Variants in UACA observed in about 807,000 individuals in gnomAD.
UACA encodes the protein nuclear membrane binding protein.
UACA carries 112 observed loss-of-function variants against 160.5 expected under a neutral mutation model. The ratio of observed to expected loss-of-function variants is 0.70; its 90% CI spans 0.60 to 0.82. UACA has a LOEUF of 0.82. UACA is among the 40% of genes least tolerant of loss of function. The pLI, the probability that UACA is intolerant of heterozygous loss-of-function variation, is 0.00. For synonymous variants in UACA, 557 were observed against 568.4 expected (o/e 0.98, Z 0.29); for missense variants, 1,574 against 1,614.6 (o/e 0.97, Z 0.43).
intron 1 of UACA, among the ~76,000 whole-genome samples, chr15:70,744,617 G>A (rs960026444): frequency 5.9e-5 from 9 of 152,190 alleles, no homozygotes; most frequent in African/African-American, 2.2e-4. Context: ...GTCTGCAAGA[G>A]GGCTGGATAA....
chr15:70,761,177 A>G (rs1839167268), intron 1 of UACA, among the ~76,000 whole-genome samples: 2 of 152,208 alleles, frequency 1.3e-5, no homozygotes, highest in Non-Finnish European at 2.9e-5. Flanking sequence ...GCATTTCTAT[A>G]AAGGGTGACT....
At chr15:70,693,894 T>G (rs1397030067) in intron 3 of UACA, among the ~76,000 whole-genome samples, 1 of 152,184 alleles carries the variant, frequency 6.6e-6, no homozygotes, top group African/African-American at 2.4e-5. Flanking sequence ...ATAAACACAT[T>G]TCTTTGTTCA....
At chr15:70,758,343 A>C (rs1242772380) in intron 1 of UACA, 1 of 152,228 alleles carries the variant, frequency 6.6e-6, no homozygotes, top group African/African-American at 2.4e-5. Context: ...TAACCATAGG[A>C]AGTTGTCTGA....
At chr15:70,663,646 T>G (rs1896797932) in intron 17 of UACA, among the ~76,000 whole-genome samples, 1 of 151,880 alleles carries the variant, frequency 6.6e-6, no homozygotes. Context: ...TAGACTGGAT[T>G]AAGAAAATGT....
chr15:70,766,963 G>A (rs556839879), upstream of UACA, among the ~76,000 whole-genome samples: 2 of 152,240 alleles, frequency 1.3e-5, no homozygotes, highest in Admixed American at 1.3e-4. Flanking sequence ...ACAGAGGGCC[G>A]GGCACAGTGG....
At chr15:70,727,483 T>C (rs183831550) in intron 1 of UACA, among the ~76,000 whole-genome samples, 16 of 152,174 alleles carry the variant, frequency 1.1e-4, no homozygotes, top group African/African-American at 3.6e-4. Context: ...CACTTTAAAA[T>C]TGATTGGTTC....
chr15:70,729,430 A>T (rs1899248633), intron 1 of UACA, among the ~76,000 whole-genome samples: 1 of 152,226 alleles, frequency 6.6e-6, no homozygotes, highest in Admixed American at 6.5e-5. Flanking sequence ...AAATTAATGC[A>T]GAAACAGAAA....
rs1226026499 is a variant in UACA at position 70,668,280 on chromosome 15, C to G, written c.2404G>C (p.Val802Leu). Residue 802 changes from valine (V) to leucine (L), a missense_variant, in exon 16 of 19, where the codon GTG (valine) becomes CTG (leucine). Physicochemically the swap from Val to Leu is conservative, Grantham distance 32. Transcript: ENST00000322954. ...TCATGTTTCTCAGGAGGTACAAACACAGTTTCTAGGCGGCTTACATCCTTA... is the reference window on the plus strand; with the variant it reads ...TCATGTTTCTCAGGAGGTACAAACAGAGTTTCTAGGCGGCTTACATCCTTA... ...LSKDVSRLET[V>L]FVPPEKHEKE... 3 of 1,613,540 alleles carry G rather than the reference C, an allele frequency of 1.9e-6. No homozygotes were observed. Among genetic ancestry groups the G allele is most frequent in the Non-Finnish European group, 2.5e-6 (3 of 1,179,924 alleles).
At chr15:70,748,451 C>G (rs1318836480) in intron 1 of UACA, among the ~76,000 whole-genome samples, 1 of 152,118 alleles carries the variant, frequency 6.6e-6, no homozygotes, top group Non-Finnish European at 1.5e-5. Flanking sequence ...AGCAGTGAAG[C>G]CTGGGGCATG....
the UACA span, among the ~76,000 whole-genome samples, chr15:70,770,566 A>G: frequency 6.6e-6 from 1 of 152,234 alleles, no homozygotes; most frequent in Admixed American, 6.5e-5. Context: ...AAATTAAAAT[A>G]CCAACACATG....
At chr15:70,763,635 C>T (rs1027155615), upstream of UACA, 7 of 750,730 alleles carry the variant, frequency 9.3e-6, no homozygotes, top group Non-Finnish European at 1.3e-5. Flanking sequence ...CGCGACCAAT[C>T]GGAATGCGGG....
In UACA at chr15:70,667,968, T is replaced by C. The variant is rs1413673713; in HGVS notation, c.2716A>G (p.Ile906Val). The change falls in exon 16 of 19, where the codon ATA becomes GTA. Residue 906 changes from isoleucine (I) to valine (V), a missense_variant. Ile to Val is a conservative substitution (Grantham distance 29). Transcript: ENST00000322954. ...EFVKIKDKNE[I>V]LKRNLENTQN... ...GTGTTTTCCAGGTTTCTTTTTAATA[T>C]TTCATTCTTATCTTTTATTTTTACA... The C allele has an allele frequency of 3.7e-6, 6 of 1,605,008 alleles. No individual in the cohort carries two copies. The highest frequency in any genetic ancestry group is 1.3e-5 in the African/African-American group (1 of 74,272).
At position 70,684,441 on chromosome 15, in the gene UACA, G is replaced by C; in HGVS notation, c.608C>G (p.Ala203Gly). 6.2e-7 allele frequency: 1 copy of C among 1,604,278 alleles called. No individual in the cohort carries two copies. The highest frequency in any genetic ancestry group is 8.5e-7 in the Non-Finnish European group (1 of 1,177,000). Residue 203 changes from alanine (A) to glycine (G), a missense_variant, in exon 8 of 19, where the codon GCC becomes GGC. By Grantham distance (60) the Ala-to-Gly change is moderately conservative. Transcript: ENST00000322954. ...ACCATATTCGCAACCTAGCATGAGGGCAGTTCTAAATGGAAAAATGGAAGA... is the reference window on the plus strand; with the variant it reads ...ACCATATTCGCAACCTAGCATGAGGCCAGTTCTAAATGGAAAAATGGAAGA... ...VNSRDKQNRT[A>G]LMLGCEYGCR...
chr15:70,690,745 C>T (rs892132894), intron 4 of UACA, among the ~76,000 whole-genome samples: 21 of 151,680 alleles, frequency 1.4e-4, no homozygotes, highest in Non-Finnish European at 1.5e-5. Flanking sequence ...TAATGAATGG[C>T]ATGAAATACA....
chr15:70,745,042 G>C (rs1899658597), intron 1 of UACA, among the ~76,000 whole-genome samples: 1 of 152,022 alleles, frequency 6.6e-6, no homozygotes, highest in African/African-American at 2.4e-5. Flanking sequence ...AATTTACTGG[G>C]GAAAAATATG....
chr15:70,691,776 T>A (rs932977931), intron 3 of UACA, among the ~76,000 whole-genome samples: 4 of 152,186 alleles, frequency 2.6e-5, no homozygotes. Flanking sequence ...GTGTGGACAC[T>A]GAAAATTGAG....
chr15:70,681,223 G>A (rs924318253), intron 9 of UACA, among the ~76,000 whole-genome samples: 4 of 152,108 alleles, frequency 2.6e-5, no homozygotes, highest in African/African-American at 4.8e-5. Context: ...CAGAGACTTC[G>A]TACACTACAA....
Position 70,738,961 on chromosome 15 carries a change from T to C in UACA, c.78+24369A>G, listed in dbSNP as rs143706360. ...GCATGGGCTTGTTCCCAAGAAAGAA[T>C]GGAAACATGAAAGACTTTTTGAGAT... On this transcript the variant is annotated intron_variant, in intron 1 of 18. Transcript: ENST00000322954. Among the ~76,000 whole-genome samples, 1,256 of 152,278 alleles carry C rather than the reference T, an allele frequency of 8.2e-3. 18 individuals carry two copies. The highest frequency in any genetic ancestry group is 0.029 in the African/African-American group (1,213 of 41,560).
At chr15:70,739,113 T>C (rs1454905559) in intron 1 of UACA, among the ~76,000 whole-genome samples, 1 of 152,124 alleles carries the variant, frequency 6.6e-6, no homozygotes, top group Non-Finnish European at 1.5e-5. Context: ...GGTAGAGAAA[T>C]AGGGCCATTT....
Sources: gnomAD v4.1 joint callset for allele counts (sites outside exome capture counted in the v4.1 genomes callset) on GRCh38, gnomAD v4.1.1 for gene constraint, MANE v1.5 for transcripts, NCBI Gene and HGNC (gene_info 2026-07-23, HGNC 2026-07-21) for gene names.